KCNMA1: variants seen among roughly 807,000 people sequenced by gnomAD.
The protein encoded by KCNMA1 is Calcium-activated potassium channel subunit alpha-1.
KCNMA1 carries 29 observed loss-of-function variants against 140.0 expected under a neutral mutation model. The observed-to-expected ratio is 0.21, with a 90% CI of 0.15 to 0.28. The LOEUF is 0.28. KCNMA1 is among the 10% of genes least tolerant of loss of function. The pLI, the probability that KCNMA1 is intolerant of heterozygous loss-of-function variation, is 1.00. For missense variants in KCNMA1, 880 were observed against 1,602.2 expected (o/e 0.55, Z 7.70); for synonymous variants, 612 against 611.9 (o/e 1.00, Z 0.00).
At chr10:77,526,059 C>A (rs2055502018) in intron 1 of KCNMA1, among the ~76,000 whole-genome samples, 1 of 152,208 alleles carries the variant, frequency 6.6e-6, no homozygotes, top group East Asian at 1.9e-4. Flanking sequence ...TGCCTTGACT[C>A]TGGACATTGC....
chr10:77,162,115 G>T (rs2098561711), intron 5 of KCNMA1, among the ~76,000 whole-genome samples: 1 of 152,008 alleles, frequency 6.6e-6, no homozygotes, highest in South Asian at 2.1e-4. Flanking sequence ...CTAAATATTG[G>T]CACTCTTGGT....
At position 76,884,911 on chromosome 10, in the gene KCNMA1, A is replaced by G. The variant is rs1329295620; in HGVS notation, c.*2355T>C. ...TAACTCCTTTTTTTTTAATTTCACA[A>G]AAGTTTTCACAAGGACAACGTTATA... On this transcript the variant is annotated 3_prime_UTR_variant, in exon 28 of 28. Coordinates refer to ENST00000286628, the MANE Select transcript of KCNMA1 (RefSeq NM_001161352.2). 3 of 1,461,238 alleles carry G rather than the reference A, an allele frequency of 2.1e-6. No homozygotes were observed. Among genetic ancestry groups the G allele is most frequent in the Non-Finnish European group, 2.7e-6 (3 of 1,108,190 alleles). The allele number at this position is 1,461,238 out of a possible 1,614,324, so 90.5% of individuals were successfully genotyped here. A position where few individuals can be genotyped will look rare whatever the true frequency, so the allele number is the denominator to read the frequency against.
intron 1 of KCNMA1, among the ~76,000 whole-genome samples, chr10:77,431,045 C>T (rs1283846846): frequency 6.6e-6 from 1 of 152,222 alleles, no homozygotes; most frequent in Non-Finnish European, 1.5e-5. Flanking sequence ...GATGGCAGCT[C>T]CCCGCTTCCC....
At chr10:77,227,462 T>C (rs956292592) in intron 3 of KCNMA1, among the ~76,000 whole-genome samples, 24 of 152,184 alleles carry the variant, frequency 1.6e-4, no homozygotes. Flanking sequence ...CCTTTGTAGA[T>C]GGGTAGCTCC....
At chr10:77,415,467 A>G (rs909157996) in intron 1 of KCNMA1, among the ~76,000 whole-genome samples, 7 of 152,252 alleles carry the variant, frequency 4.6e-5, no homozygotes, top group African/African-American at 1.7e-4. Context: ...ATCCTGCCCC[A>G]GAAGCTCAGC....
At chr10:77,228,837 A>G (rs2052500872) in intron 3 of KCNMA1, among the ~76,000 whole-genome samples, 1 of 152,188 alleles carries the variant, frequency 6.6e-6, no homozygotes, top group Non-Finnish European at 1.5e-5. Context: ...CAAAGCCCTC[A>G]CTACCATGGG....
intron 1 of KCNMA1, among the ~76,000 whole-genome samples, chr10:77,444,901 G>A (rs1020764824): frequency 2.0e-5 from 3 of 152,106 alleles, no homozygotes; most frequent in Admixed American, 2.0e-4. Flanking sequence ...TTCTCCACTT[G>A]AGCAGTGAAC....
At chr10:76,877,808 G>T (rs1409686812) in exon 30 of KCNMA1, 1 of 1,593,774 alleles carries the variant, frequency 6.3e-7, no homozygotes, top group Non-Finnish European at 8.6e-7. Context: ...GGTTGATCTG[G>T]TTAGCCATGT....
At chr10:76,943,174 G>A (rs2063030002) in intron 23 of KCNMA1, among the ~76,000 whole-genome samples, 1 of 152,212 alleles carries the variant, frequency 6.6e-6, no homozygotes, top group African/African-American at 2.4e-5. Context: ...TTTCTCGCCT[G>A]TGCTACCCGG....
intron 2 of KCNMA1, among the ~76,000 whole-genome samples, chr10:77,320,414 T>C (rs762053689): frequency 1.1e-4 from 17 of 152,030 alleles, no homozygotes; most frequent in South Asian, 2.1e-4. Flanking sequence ...AAGAACCTAA[T>C]TGGAATGTGG....
At chr10:77,318,600 G>T (rs1165469037) in intron 2 of KCNMA1, among the ~76,000 whole-genome samples, 2 of 152,148 alleles carry the variant, frequency 1.3e-5, no homozygotes, top group African/African-American at 4.8e-5. Context: ...ATAGAACCAA[G>T]CACCTGGTAG....
At chr10:77,285,593 C>CT (rs1270949782) in intron 2 of KCNMA1, among the ~76,000 whole-genome samples, 1 of 152,048 alleles carries the variant, frequency 6.6e-6, no homozygotes, top group African/African-American at 2.4e-5. Context: ...ATGTGTTTTT[C>CT]TTTTCCCCCA....
At chr10:77,570,820 A>G (rs1037882605) in intron 1 of KCNMA1, among the ~76,000 whole-genome samples, 62 of 152,002 alleles carry the variant, frequency 4.1e-4, no homozygotes, top group African/African-American at 1.4e-3. Context: ...GGTACCAGCT[A>G]CTCTGGAAGC....
chr10:77,251,930 G>A (rs560210223), intron 2 of KCNMA1, among the ~76,000 whole-genome samples: 211 of 152,246 alleles, frequency 1.4e-3, no homozygotes, highest in Admixed American at 3.3e-3. Flanking sequence ...ACAAATGTCC[G>A]TGTGTGTATG....
At chr10:77,376,624 T>A (rs1357131616) in intron 2 of KCNMA1, 1 of 85,772 alleles carries the variant, frequency 1.2e-5, no homozygotes, top group Admixed American at 1.3e-4. Context: ...CATAAGTTTT[T>A]TTTTTTTTAA....
chr10:77,236,229 T>C (rs2055400134), intron 3 of KCNMA1, among the ~76,000 whole-genome samples: 1 of 152,212 alleles, frequency 6.6e-6, no homozygotes, highest in African/African-American at 2.4e-5. Flanking sequence ...TGACTCCACA[T>C]GGAGGAGATA....
At chr10:76,941,754 C>A (rs1304590166) in intron 23 of KCNMA1, among the ~76,000 whole-genome samples, 5 of 152,076 alleles carry the variant, frequency 3.3e-5, no homozygotes, top group Non-Finnish European at 5.9e-5. Flanking sequence ...GTCATTTGTG[C>A]GGTCTTAGTC....
At chr10:76,887,735 A>T in intron 27 of KCNMA1, 1 of 581,582 alleles carries the variant, frequency 1.7e-6, no homozygotes, top group Non-Finnish European at 3.0e-6. Context: ...CCAGGCAGAG[A>T]TGTGGAATTA....
chr10:77,231,535 A>G (rs1352798572), intron 3 of KCNMA1, among the ~76,000 whole-genome samples: 1 of 152,160 alleles, frequency 6.6e-6, no homozygotes, highest in East Asian at 1.9e-4. Context: ...TCCTCCCAGC[A>G]TTTCTGCAGA....
Sources: gnomAD v4.1 joint callset for allele counts (sites outside exome capture counted in the v4.1 genomes callset) on GRCh38, gnomAD v4.1.1 for gene constraint, MANE v1.5 for transcripts, NCBI Gene and HGNC (gene_info 2026-07-23, HGNC 2026-07-21) for gene names.